Variants in OPCML observed in about 807,000 individuals in gnomAD.
OPCML encodes opioid binding protein/cell adhesion molecule like.
In OPCML, 13 loss-of-function variants were observed where a neutral mutation model predicts 37.8. That is an observed-to-expected ratio of 0.34 (90% CI 0.22 to 0.55). The LOEUF (loss-of-function observed/expected upper bound fraction) is 0.55, where lower values mean the gene tolerates loss of function less well. OPCML is among the 20% of genes least tolerant of loss of function. The pLI, the probability that OPCML is intolerant of heterozygous loss-of-function variation, is 0.91. For synonymous variants in OPCML, 176 were observed against 168.8 expected (o/e 1.04, Z -0.33); for missense variants, 341 against 435.6 (o/e 0.78, Z 1.93).
At chr11:132,587,549 C>A (rs533304201) in intron 3 of OPCML, among the ~76,000 whole-genome samples, 1 of 152,284 alleles carries the variant, frequency 6.6e-6, no homozygotes, top group Admixed American at 6.5e-5. Context: ...AGGATGTGAC[C>A]AGATGTTGGA....
chr11:133,399,449 C>G (rs1332004411), intron 1 of OPCML, among the ~76,000 whole-genome samples: 1 of 152,178 alleles, frequency 6.6e-6, no homozygotes, highest in African/African-American at 2.4e-5. Flanking sequence ...ACAGCAAGCT[C>G]TTGATGAATG....
At chr11:133,074,864 G>A (rs928681563) in intron 1 of OPCML, among the ~76,000 whole-genome samples, 5 of 152,078 alleles carry the variant, frequency 3.3e-5, no homozygotes, top group Admixed American at 3.3e-4. Context: ...ACATCTCTCA[G>A]CCCCATTTCA....
At chr11:133,378,000 T>C (rs189107162) in intron 1 of OPCML, among the ~76,000 whole-genome samples, 51 of 152,344 alleles carry the variant, frequency 3.3e-4, no homozygotes, top group Non-Finnish European at 6.6e-4. Flanking sequence ...TAATACGCCA[T>C]ATTGAGCTGA....
chr11:133,128,605 G>A (rs1274453340), intron 1 of OPCML, among the ~76,000 whole-genome samples: 1 of 152,186 alleles, frequency 6.6e-6, no homozygotes, highest in African/African-American at 2.4e-5. Flanking sequence ...AGAAGCGTGA[G>A]TCTCCGAAGG....
At chr11:132,785,677 G>A (rs1275305829) in intron 2 of OPCML, among the ~76,000 whole-genome samples, 4 of 152,214 alleles carry the variant, frequency 2.6e-5, no homozygotes, top group African/African-American at 9.7e-5. Context: ...ACTCTGTGCA[G>A]TAGAATCACA....
intron 1 of OPCML, among the ~76,000 whole-genome samples, chr11:133,383,552 A>G (rs1483106273): frequency 6.6e-6 from 1 of 152,194 alleles, no homozygotes; most frequent in Non-Finnish European, 1.5e-5. Flanking sequence ...TATCATACAC[A>G]GTGCCCATCC....
intron 2 of OPCML, among the ~76,000 whole-genome samples, chr11:132,801,592 T>C (rs1350329991): frequency 1.3e-5 from 2 of 152,226 alleles, no homozygotes; most frequent in African/African-American, 4.8e-5. Flanking sequence ...ATAAATTGCA[T>C]TGAATATTAG....
intron 1 of OPCML, among the ~76,000 whole-genome samples, chr11:133,329,176 A>T (rs1315519301): frequency 2.0e-5 from 3 of 152,220 alleles, no homozygotes; most frequent in African/African-American, 7.2e-5. Context: ...GCTCAAGGAA[A>T]TAAAAGAGGA....
chr11:132,762,086 GA>G (rs1369988715), intron 2 of OPCML, among the ~76,000 whole-genome samples: 1 of 152,182 alleles, frequency 6.6e-6, no homozygotes, highest in Non-Finnish European at 1.5e-5. Flanking sequence ...AGGTCTGCTG[GA>G]GTTTGCTGGA....
At chr11:133,000,452 A>G (rs1946977453) in intron 1 of OPCML, among the ~76,000 whole-genome samples, 1 of 152,198 alleles carries the variant, frequency 6.6e-6, no homozygotes, top group African/African-American at 2.4e-5. Flanking sequence ...ACCTGTAGTT[A>G]CAGATGTACC....
At chr11:132,626,003 T>C (rs1193516493) in intron 3 of OPCML, among the ~76,000 whole-genome samples, 2 of 152,020 alleles carry the variant, frequency 1.3e-5, no homozygotes, top group African/African-American at 4.8e-5. Flanking sequence ...TCTCCATTTA[T>C]TTTTTCAAGA....
intron 2 of OPCML, among the ~76,000 whole-genome samples, chr11:132,809,943 G>A (rs1205591986): frequency 1.3e-5 from 2 of 152,122 alleles, no homozygotes; most frequent in African/African-American, 4.8e-5. Flanking sequence ...TCCGCCTCCC[G>A]GGTTCACGCC....
At chr11:132,619,683 C>CA (rs67315430) in intron 3 of OPCML, among the ~76,000 whole-genome samples, 39,012 of 135,068 alleles carry the variant, frequency 0.29, 6,763 homozygotes, top group Non-Finnish European at 0.4. Context: ...CTGAAAATAC[C>CA]AAAAAAAAAA....
chr11:133,441,304 T>G (rs1010719564), intron 1 of OPCML, among the ~76,000 whole-genome samples: 7 of 151,564 alleles, frequency 4.6e-5, no homozygotes, highest in Admixed American at 2.0e-4. Flanking sequence ...TATTATCACA[T>G]GAAAAAAAAG....
Position 133,440,307 on chromosome 11 carries a change from G to A in OPCML, c.61+91957C>T, listed in dbSNP as rs1329848625. ...CCAGCTACTTGGGAGGCTGAGGCAG[G>A]AGAATTGCTTGAACCCAGGAGGCAT... is the stretch of plus-strand genomic sequence containing the variant. On this transcript the variant is annotated intron_variant, in intron 1 of 7. Coordinates refer to ENST00000524381, the MANE Select transcript of OPCML (RefSeq NM_001012393.5). Among the ~76,000 whole-genome samples, 8 of 151,462 alleles carry A rather than the reference G, an allele frequency of 5.3e-5. No homozygotes were observed. The East Asian group carries it at 1.6e-3, about 30-fold the overall frequency.
chr11:132,493,895 C>A (rs561580247), intron 4 of OPCML, among the ~76,000 whole-genome samples: 9 of 152,348 alleles, frequency 5.9e-5, no homozygotes, highest in African/African-American at 2.2e-4. Context: ...CCATGTGCAT[C>A]TTTTCTCATC....
chr11:132,803,804 A>G (rs770235915), intron 2 of OPCML, among the ~76,000 whole-genome samples: 46 of 152,224 alleles, frequency 3.0e-4, no homozygotes, highest in African/African-American at 1.0e-3. Context: ...CAATTTTTCT[A>G]CTTAAAAATA....
At chr11:132,436,417 C>A in intron 6 of OPCML, 180 bp from the exon 7 acceptor site, 1 of 974,310 alleles carries the variant, frequency 1.0e-6, no homozygotes, top group Non-Finnish European at 1.2e-6. Flanking sequence ...GCTTCTAATT[C>A]CCAACGACTG....
chr11:133,334,392 G>C (rs1943696324), intron 1 of OPCML, among the ~76,000 whole-genome samples: 1 of 152,128 alleles, frequency 6.6e-6, no homozygotes, highest in Non-Finnish European at 1.5e-5. Context: ...AACTAACTCA[G>C]GAACAGAAAA....
Sources: gnomAD v4.1 joint callset for allele counts (sites outside exome capture counted in the v4.1 genomes callset) on GRCh38, gnomAD v4.1.1 for gene constraint, MANE v1.5 for transcripts, NCBI Gene and HGNC (gene_info 2026-07-23, HGNC 2026-07-21) for gene names.